The following ATP10D variants were observed in gnomAD, a reference collection of about 807,000 sequenced individuals.
The protein encoded by ATP10D is ATPase phospholipid transporting 10D (putative).
Under a neutral mutation model 144.8 loss-of-function variants are expected in ATP10D, and 89 were observed. The observed-to-expected ratio is 0.61, with a 90% CI of 0.52 to 0.73. ATP10D has a LOEUF of 0.73. Among genes scored for constraint, ATP10D ranks in the 30% least tolerant of loss-of-function variants. The probability of loss-of-function intolerance (pLI) is 0.00; values close to 1 mark genes in which losing one functional copy is unlikely to be tolerated. For synonymous variants in ATP10D, 571 were observed against 615.1 expected, an observed-to-expected ratio of 0.93 and a Z score of 1.06; for missense variants, 1,603 against 1,714.8, an observed-to-expected ratio of 0.93 and a Z score of 1.15.
intron 1 of ATP10D, among the ~76,000 whole-genome samples, chr4:47,500,540 G>A (rs1715628673): frequency 6.6e-6 from 1 of 152,228 alleles, no homozygotes; most frequent in Non-Finnish European, 1.5e-5. Context: ...GACATGATGT[G>A]AGTTGTAAGT....
At chr4:47,543,110 C>T (rs770108865) in intron 9 of ATP10D, among the ~76,000 whole-genome samples, 7 of 152,102 alleles carry the variant, frequency 4.6e-5, no homozygotes, top group Non-Finnish European at 7.4e-5. Flanking sequence ...ATCACATTCA[C>T]ATAAGTTTTA....
chr4:47,571,354 A>G (rs918143376), intron 16 of ATP10D, among the ~76,000 whole-genome samples: 42 of 149,102 alleles, frequency 2.8e-4, no homozygotes, highest in African/African-American at 1.0e-3. Context: ...ATATATAACA[A>G]TTATATTATA....
chr4:47,485,620 A>G (rs1176195102), intron 1 of ATP10D, 101 bp downstream of exon 1: 1 of 151,392 alleles, frequency 6.6e-6, no homozygotes, highest in Non-Finnish European at 1.5e-5. Context: ...TCCCCGCTCC[A>G]CTTCCCTAGT....
At chr4:47,566,261 T>C (rs1010490287) in intron 15 of ATP10D, among the ~76,000 whole-genome samples, 1 of 152,268 alleles carries the variant, frequency 6.6e-6, no homozygotes, top group Non-Finnish European at 1.5e-5. Context: ...ACTTTACCTT[T>C]TACTCTCATA....
intron 5 of ATP10D, among the ~76,000 whole-genome samples, chr4:47,527,090 T>C (rs1437249114): frequency 6.6e-6 from 1 of 152,170 alleles, no homozygotes; most frequent in South Asian, 2.1e-4. Flanking sequence ...CAGTGTCATT[T>C]TGGCATAAAG....
At position 47,496,113 on chromosome 4, in the gene ATP10D, A is replaced by G. The variant is rs373366041; in HGVS notation, c.-38+10594A>G. On this transcript the variant is annotated intron_variant, in intron 1 of 22. Transcript: ENST00000273859. ...CACAATTAGATATAATGCAGTCAACAATTTCTCTATTTCTCAACATTTGTG... is the reference window on the plus strand; with the variant it reads ...CACAATTAGATATAATGCAGTCAACGATTTCTCTATTTCTCAACATTTGTG... Among the ~76,000 whole-genome samples, 7 of 151,540 alleles carry G rather than the reference A, an allele frequency of 4.6e-5. No homozygotes were observed. In the East Asian group the frequency reaches 1.4e-3, roughly 30 times the overall value.
chr4:47,491,850 C>G (rs774189558), intron 1 of ATP10D, among the ~76,000 whole-genome samples: 3 of 152,150 alleles, frequency 2.0e-5, no homozygotes, highest in African/African-American at 7.2e-5. Context: ...ACCATGCTTT[C>G]TCATAAGACT....
rs758702633 is a variant in ATP10D, at chr4:47,572,934, C to T, written c.3303C>T (p.Val1101=). 7 of 1,614,030 alleles carry T rather than the reference C, an allele frequency of 4.3e-6. No homozygotes were observed. The Admixed American group carries it at 1.0e-4, about 23-fold the overall frequency. Residue 1101 remains valine, a synonymous_variant, in exon 18 of 23, where the codon GTC becomes GTT. Transcript: ENST00000273859. ...QFKHLSKLLL[V]HGHWCYTRLS... Reference sequence around the variant, plus strand: ...AACATCTCAGCAAGCTCCTTCTTGTCCATGGACACTGGTGTTATACACGGC... The same window carrying T: ...AACATCTCAGCAAGCTCCTTCTTGTTCATGGACACTGGTGTTATACACGGC...
intron 1 of ATP10D, among the ~76,000 whole-genome samples, chr4:47,487,234 A>C (rs1714817671): frequency 6.6e-6 from 1 of 150,554 alleles, no homozygotes; most frequent in African/African-American, 2.4e-5. Context: ...CGTCCCCCAA[A>C]AAAAAAAAAA....
At chr4:47,571,401 C>CA (rs1416061042) in intron 16 of ATP10D, among the ~76,000 whole-genome samples, 6 of 151,238 alleles carry the variant, frequency 4.0e-5, no homozygotes, top group African/African-American at 1.5e-4. Context: ...GTCATATGTC[C>CA]ATTTCTGAAC....
At chr4:47,496,449 G>A (rs972896606) in intron 1 of ATP10D, among the ~76,000 whole-genome samples, 41 of 152,140 alleles carry the variant, frequency 2.7e-4, no homozygotes, top group African/African-American at 8.0e-4. Context: ...GAGCCACCGC[G>A]CCCGGCTGTG....
chr4:47,496,506 G>C (rs1198617892), intron 1 of ATP10D, among the ~76,000 whole-genome samples: 1 of 152,140 alleles, frequency 6.6e-6, no homozygotes, highest in Non-Finnish European at 1.5e-5. Context: ...CTGAGGGCCA[G>C]AGAGGACATT....
At chr4:47,494,112 G>C (rs1372455281) in intron 1 of ATP10D, among the ~76,000 whole-genome samples, 1 of 152,076 alleles carries the variant, frequency 6.6e-6, no homozygotes, top group Non-Finnish European at 1.5e-5. Flanking sequence ...AGTTTGTGTT[G>C]GATAGGTTTT....
chr4:47,581,173 G>A (rs1348426989), intron 20 of ATP10D, among the ~76,000 whole-genome samples: 1 of 152,184 alleles, frequency 6.6e-6, no homozygotes. Context: ...CATAAGTAAT[G>A]TCTTTAAAAC....
intron 18 of ATP10D, 41 bp downstream of exon 18, chr4:47,573,038 C>A: frequency 6.2e-7 from 1 of 1,601,584 alleles, no homozygotes; most frequent in Non-Finnish European, 8.5e-7. Context: ...CCCTTCGTAC[C>A]TTCCAAGACT....
chr4:47,568,690 G>A, intron 15 of ATP10D, 147 bp from the exon 16 acceptor site: 1 of 691,482 alleles, frequency 1.4e-6, no homozygotes, highest in Non-Finnish European at 2.4e-6. Context: ...CTCTGTGGAA[G>A]ACTCGTAAAA....
At chr4:47,508,170 A>T (rs1007935338) in intron 1 of ATP10D, among the ~76,000 whole-genome samples, 7 of 152,114 alleles carry the variant, frequency 4.6e-5, no homozygotes, top group Admixed American at 1.3e-4. Flanking sequence ...CATTGTTGGG[A>T]TGAGTTTTGG....
At chr4:47,567,421 T>C (rs1719699108) in intron 15 of ATP10D, among the ~76,000 whole-genome samples, 1 of 152,192 alleles carries the variant, frequency 6.6e-6, no homozygotes, top group Non-Finnish European at 1.5e-5. Context: ...AAAATCATAT[T>C]TTGGAGAATA....
chr4:47,507,022 A>G (rs940230018), intron 1 of ATP10D, among the ~76,000 whole-genome samples: 8 of 152,206 alleles, frequency 5.3e-5, no homozygotes, highest in African/African-American at 1.7e-4. Flanking sequence ...GTTGCCTAGA[A>G]GCCTCCCCCA....
Sources: allele counts gnomAD v4.1 joint callset (sites outside exome capture counted in the v4.1 genomes callset), GRCh38; gene constraint gnomAD v4.1.1; transcripts MANE v1.5; gene names NCBI Gene and HGNC (gene_info 2026-07-23, HGNC 2026-07-21).